The following GDA variants were observed in gnomAD, a reference collection of about 807,000 sequenced individuals.
The protein encoded by GDA is guanine deaminase, also known as cytoplasmic PSD-95 interactor.
A neutral mutation model predicts 59.6 loss-of-function variants in GDA; 18 were observed. That is an observed-to-expected ratio of 0.30 (90% CI 0.21 to 0.45). The LOEUF (loss-of-function observed/expected upper bound fraction) is 0.45, where lower values mean the gene tolerates loss of function less well. Ranked by LOEUF, GDA falls within the 20% of genes least tolerant of loss-of-function variation. The pLI is 1.00. For synonymous variants in GDA, 201 were observed against 201.1 expected, an observed-to-expected ratio of 1.00 and a Z score of 0.00; for missense variants, 427 against 552.3, an observed-to-expected ratio of 0.77 and a Z score of 2.27.
At chr9:72,247,744 A>G (rs1484311568) in intron 13 of GDA, among the ~76,000 whole-genome samples, 2 of 152,268 alleles carry the variant, frequency 1.3e-5, no homozygotes, top group African/African-American at 4.8e-5. Flanking sequence ...CTGCCCTGCC[A>G]TGTTTTTGTG....
intron 1 of GDA, among the ~76,000 whole-genome samples, chr9:72,118,134 T>C (rs1353866008): frequency 2.0e-5 from 3 of 151,482 alleles, no homozygotes; most frequent in Non-Finnish European, 4.4e-5. Flanking sequence ...TAGGCGGGCA[T>C]GGTGGCAGGC....
chr9:72,210,594 T>A, intron 3 of GDA, 93 bp from the exon 4 acceptor site: 1 of 720,160 alleles, frequency 1.4e-6, no homozygotes, highest in South Asian at 1.7e-5. Flanking sequence ...AAAAACATTT[T>A]AAAATTAAAA....
intron 1 of GDA, among the ~76,000 whole-genome samples, chr9:72,174,805 GAC>G (rs1830373071): frequency 1.3e-5 from 2 of 152,090 alleles, no homozygotes; most frequent in Non-Finnish European, 2.9e-5. Context: ...GAGACAGAGA[GAC>G]AGAGACAGAG....
chr9:72,137,029 T>C (rs943423070), intron 1 of GDA, among the ~76,000 whole-genome samples: 23 of 151,926 alleles, frequency 1.5e-4, no homozygotes, highest in African/African-American at 5.6e-4. Flanking sequence ...TACATATGAA[T>C]ATTAAAACTA....
intron 1 of GDA, among the ~76,000 whole-genome samples, chr9:72,121,924 T>G (rs1006338262): frequency 3.9e-5 from 6 of 152,204 alleles, no homozygotes; most frequent in Admixed American, 1.3e-4. Flanking sequence ...CTTGAAACAT[T>G]GACTTCCATG....
chr9:72,219,929 T>TTTTGC (rs1836645236), intron 6 of GDA, among the ~76,000 whole-genome samples: 1 of 152,198 alleles, frequency 6.6e-6, no homozygotes, highest in Non-Finnish European at 1.5e-5. Flanking sequence ...TTTGGGTGTA[T>TTTTGC]ATCCAAAAGA....
chr9:72,150,836 ACT>A (rs1234522467), intron 1 of GDA, among the ~76,000 whole-genome samples: 1 of 151,932 alleles, frequency 6.6e-6, no homozygotes, highest in Non-Finnish European at 1.5e-5. Context: ...AGGTGATAAA[ACT>A]CTCAGAGCTC....
At chr9:72,158,496 G>A (rs1828209152) in intron 1 of GDA, among the ~76,000 whole-genome samples, 1 of 151,964 alleles carries the variant, frequency 6.6e-6, no homozygotes, top group African/African-American at 2.4e-5. Flanking sequence ...GGGAGGCTGA[G>A]GCAGGAGAAT....
chr9:72,147,484 G>A (rs1444002038), upstream of GDA, among the ~76,000 whole-genome samples: 4 of 152,176 alleles, frequency 2.6e-5, no homozygotes, highest in Non-Finnish European at 5.9e-5. Flanking sequence ...GATTACAGGC[G>A]TGAGCCATCG....
intron 1 of GDA, among the ~76,000 whole-genome samples, chr9:72,193,616 T>C (rs1832815915): frequency 6.6e-6 from 1 of 152,234 alleles, no homozygotes; most frequent in South Asian, 2.1e-4. Context: ...CTGGGTGTTG[T>C]CCACAGCTTT....
intron 1 of GDA, among the ~76,000 whole-genome samples, chr9:72,117,987 T>G (rs1262386750): frequency 6.6e-6 from 1 of 151,964 alleles, no homozygotes; most frequent in Non-Finnish European, 1.5e-5. Context: ...AGAATATAAA[T>G]TCAGGCCAGG....
intron 5 of GDA, among the ~76,000 whole-genome samples, chr9:72,216,422 A>G (rs1339089330): frequency 2.6e-5 from 4 of 152,218 alleles, no homozygotes; most frequent in Non-Finnish European, 5.9e-5. Flanking sequence ...AATAGTGGAA[A>G]CAACCAAAAT....
intron 5 of GDA, 63 bp from the exon 6 acceptor site, chr9:72,219,416 T>C (rs1836572725): frequency 4.1e-6 from 5 of 1,210,792 alleles, no homozygotes; most frequent in Non-Finnish European, 6.0e-6. Context: ...AAAAAAATAA[T>C]AATAAAGAAA....
rs773887314 is a variant in GDA, at chr9:72,225,662, A to AT, written c.715-8dup. The AT allele has an allele frequency of 5.4e-5, 63 of 1,171,668 alleles. No homozygotes were observed. The highest frequency in any genetic ancestry group is 8.4e-5 in the Admixed American group (4 of 47,616). 72.6% of individuals were successfully genotyped at this position (1,171,668 alleles called of 1,614,324 possible). Reference sequence around the variant, plus strand: ...TTTACAGAAGAAAAATGAAAATATTATTTTTTTCTTGTAGAGCCATATAAG... The same window carrying AT: ...TTTACAGAAGAAAAATGAAAATATTATTTTTTTTCTTGTAGAGCCATATAAG... On this transcript the variant is annotated splice_polypyrimidine_tract_variant and intron_variant, in intron 7 of 13. Transcript: ENST00000358399.
Position 72,179,345 on chromosome 9 carries a change from G to A in GDA, c.124-16155G>A, listed in dbSNP as rs73650306. On this transcript the variant is annotated intron_variant, in intron 1 of 13. Coordinates refer to ENST00000358399, the MANE Select transcript of GDA (RefSeq NM_004293.5). ...CTTTTACAGTTCACTGGAGTGTTTG[G>A]CATATCTCTATTTTAAAATATTTTG... 3.1e-3 allele frequency among the ~76,000 whole-genome samples: 475 copies of A among 152,268 alleles called. 4 individuals are homozygous for A. The highest frequency in any genetic ancestry group is 0.011 in the African/African-American group (454 of 41,534).
intron 1 of GDA, among the ~76,000 whole-genome samples, chr9:72,162,018 A>G (rs1564178949): frequency 6.6e-6 from 1 of 152,198 alleles, no homozygotes; most frequent in Non-Finnish European, 1.5e-5. Flanking sequence ...TATTTAACCT[A>G]TAAATTGTTT....
At chr9:72,140,457 G>A (rs375245767) in intron 1 of GDA, among the ~76,000 whole-genome samples, 4 of 152,238 alleles carry the variant, frequency 2.6e-5, no homozygotes, top group East Asian at 3.9e-4. Context: ...ACAAAGCTGC[G>A]CTGCCAGAAA....
intron 1 of GDA, chr9:72,194,254 C>T (rs1832894174): frequency 6.6e-6 from 1 of 152,244 alleles, no homozygotes; most frequent in South Asian, 2.1e-4. Flanking sequence ...GAGTTTCACC[C>T]AAGGCCCTCA....
At chr9:72,202,872 T>G in intron 3 of GDA, 130 bp downstream of exon 3, 2 of 678,344 alleles carry the variant, frequency 2.9e-6, no homozygotes, top group East Asian at 5.4e-5. Flanking sequence ...TTTTTAAGTT[T>G]CTTTTTCACA....
Sources: allele counts gnomAD v4.1 joint callset (sites outside exome capture counted in the v4.1 genomes callset), GRCh38; gene constraint gnomAD v4.1.1; transcripts MANE v1.5; gene names NCBI Gene and HGNC (gene_info 2026-07-23, HGNC 2026-07-21).